Variants in ARHGAP24 observed in about 807,000 individuals in gnomAD.
The protein encoded by ARHGAP24 is Rho GTPase activating protein 24.
Under a neutral mutation model 76.4 loss-of-function variants are expected in ARHGAP24, and 50 were observed. The observed-to-expected ratio is 0.65, with a 90% CI of 0.52 to 0.83. The LOEUF (loss-of-function observed/expected upper bound fraction) is 0.83, where lower values mean the gene tolerates loss of function less well. Ranked by LOEUF, ARHGAP24 falls within the 40% of genes least tolerant of loss-of-function variation. The pLI is 0.00. For synonymous variants in ARHGAP24, 345 were observed against 323.3 expected, an observed-to-expected ratio of 1.07 and a Z score of -0.72; for missense variants, 930 against 914.2, an observed-to-expected ratio of 1.02 and a Z score of -0.22.
At chr4:85,516,281 C>T (rs571783958) in intron 1 of ARHGAP24, among the ~76,000 whole-genome samples, 25 of 152,320 alleles carry the variant, frequency 1.6e-4, no homozygotes, top group African/African-American at 5.5e-4. Flanking sequence ...ACCTGCATCC[C>T]TGAACTAGAA....
chr4:85,997,885 G>A (rs1484602752), intron 9 of ARHGAP24, among the ~76,000 whole-genome samples: 1 of 151,958 alleles, frequency 6.6e-6, no homozygotes, highest in Non-Finnish European at 1.5e-5. Context: ...TTGAGCTCTT[G>A]ACCTCAAATG....
At chr4:85,930,043 T>C (rs766510095) in intron 4 of ARHGAP24, among the ~76,000 whole-genome samples, 23 of 152,180 alleles carry the variant, frequency 1.5e-4, no homozygotes, top group Admixed American at 6.5e-4. Context: ...CCTCATCCTG[T>C]TGTGACTGCA....
intron 3 of ARHGAP24, among the ~76,000 whole-genome samples, chr4:85,740,032 C>T (rs1725755135): frequency 6.6e-6 from 1 of 152,156 alleles, no homozygotes; most frequent in African/African-American, 2.4e-5. Flanking sequence ...ACAGATTTTT[C>T]AGATCGATGG....
At chr4:85,606,142 CA>C (rs1453386109) in intron 2 of ARHGAP24, among the ~76,000 whole-genome samples, 1 of 152,116 alleles carries the variant, frequency 6.6e-6, no homozygotes, top group Non-Finnish European at 1.5e-5. Context: ...TACTATGTGC[CA>C]AACACCTTAT....
intron 5 of ARHGAP24, among the ~76,000 whole-genome samples, chr4:85,961,578 C>CT (rs1738253501): frequency 6.6e-6 from 1 of 151,980 alleles, no homozygotes. Flanking sequence ...ATTCTCTAAA[C>CT]TTGTGGTGAA....
rs1578331348 is a variant in ARHGAP24, at chr4:85,875,568, A to T, written c.269-48080A>T. Among the ~76,000 whole-genome samples, 2 of 30,364 alleles carry T rather than the reference A, an allele frequency of 6.6e-5. 1 individual carries two copies. Among genetic ancestry groups the T allele is most frequent in the East Asian group, 0.033 (2 of 60 alleles). 19.9% of individuals were successfully genotyped at this position (30,364 alleles called of 152,430 possible). A position where few individuals can be genotyped will look rare whatever the true frequency, so the allele number is the denominator to read the frequency against. On this transcript the variant is annotated intron_variant, in intron 3 of 9. Coordinates refer to ENST00000395184, the MANE Select transcript of ARHGAP24 (RefSeq NM_001025616.3). ...ATATTTTATATTATATTTTTATATT[A>T]TATAATATATAATATATATTTTATA...
At chr4:85,642,089 A>G (rs1251443514) in intron 2 of ARHGAP24, among the ~76,000 whole-genome samples, 1 of 152,102 alleles carries the variant, frequency 6.6e-6, no homozygotes, top group Non-Finnish European at 1.5e-5. Flanking sequence ...GAGTCTTGTG[A>G]CCTACAATCA....
rs535646106 is a variant in ARHGAP24 at position 85,879,449 on chromosome 4, A to T, written c.269-44199A>T. Reference sequence around the variant, plus strand: ...CAAATTAGATGAATTATGCTTTTTTATCTTGTGAATCTGAATCATGCAAAA... The same window carrying T: ...CAAATTAGATGAATTATGCTTTTTTTTCTTGTGAATCTGAATCATGCAAAA... On this transcript the variant is annotated intron_variant, in intron 3 of 9. Coordinates refer to ENST00000395184, the MANE Select transcript of ARHGAP24 (RefSeq NM_001025616.3). Among the ~76,000 whole-genome samples the T allele has an allele frequency of 2.0e-5, 3 of 152,256 alleles. 1 individual carries two copies. The South Asian group carries it at 6.2e-4, about 32-fold the overall frequency.
rs1176128263 is a variant in ARHGAP24 at position 85,995,368 on chromosome 4, C to T, written c.1714C>T (p.Arg572Cys). ...ISLPENSNSC[R>C]SSTTTCPEQD... ...CCTCCCTGAGAACTCCAACTCCTGTCGCTCTTCTACCACCACCTGCCCAGA... is the reference window on the plus strand; with the variant it reads ...CCTCCCTGAGAACTCCAACTCCTGTTGCTCTTCTACCACCACCTGCCCAGA... Residue 572 changes from arginine (R) to cysteine (C), a missense_variant, in exon 9 of 10, where the codon CGC becomes TGC. Physicochemically the swap from Arg to Cys is radical, Grantham distance 180 (BLOSUM62 -3). Coordinates refer to ENST00000395184, the MANE Select transcript of ARHGAP24 (RefSeq NM_001025616.3). 1.9e-6 allele frequency: 3 copies of T among 1,613,924 alleles called. No individual in the cohort carries two copies. Among genetic ancestry groups the T allele is most frequent in the African/African-American group, 1.3e-5 (1 of 74,894 alleles).
At chr4:85,936,512 C>T (rs1282899506) in intron 4 of ARHGAP24, among the ~76,000 whole-genome samples, 3 of 151,986 alleles carry the variant, frequency 2.0e-5, no homozygotes, top group Admixed American at 6.5e-5. Flanking sequence ...CTAAACCTCT[C>T]CGAAGCTCAT....
intron 2 of ARHGAP24, among the ~76,000 whole-genome samples, chr4:85,661,641 A>G (rs1186583835): frequency 1.3e-5 from 2 of 152,102 alleles, no homozygotes; most frequent in East Asian, 1.9e-4. Context: ...AGCATTAGGT[A>G]TATCTCCTAA....
At chr4:85,843,527 C>A (rs775216804) in intron 3 of ARHGAP24, among the ~76,000 whole-genome samples, 2 of 151,644 alleles carry the variant, frequency 1.3e-5, no homozygotes, top group African/African-American at 2.4e-5. Context: ...TAATGTATCA[C>A]AAATATGAAT....
chr4:85,772,935 C>T (rs1462185902), intron 3 of ARHGAP24, among the ~76,000 whole-genome samples: 4 of 152,104 alleles, frequency 2.6e-5, no homozygotes, highest in South Asian at 2.1e-4. Context: ...AAAGTATATG[C>T]GCCTCATAGA....
At chr4:85,708,655 G>T (rs564673235) in intron 2 of ARHGAP24, among the ~76,000 whole-genome samples, 1 of 152,266 alleles carries the variant, frequency 6.6e-6, no homozygotes, top group East Asian at 1.9e-4. Context: ...AATTCAGTTG[G>T]AAAGGAGGCT....
At chr4:85,494,337 T>C (rs910562862) in intron 1 of ARHGAP24, among the ~76,000 whole-genome samples, 1 of 152,182 alleles carries the variant, frequency 6.6e-6, no homozygotes, top group Non-Finnish European at 1.5e-5. Flanking sequence ...GTGTTCTCAT[T>C]GTTCAACACC....
intron 3 of ARHGAP24, among the ~76,000 whole-genome samples, chr4:85,836,709 G>A (rs145244034): frequency 5.9e-5 from 9 of 152,262 alleles, no homozygotes; most frequent in African/African-American, 1.2e-4. Flanking sequence ...AGAAATAATA[G>A]TAATGGGAGA....
At chr4:85,743,730 C>G (rs762581005) in intron 3 of ARHGAP24, among the ~76,000 whole-genome samples, 1 of 151,638 alleles carries the variant, frequency 6.6e-6, no homozygotes, top group Non-Finnish European at 1.5e-5. Flanking sequence ...CAAGTTAGCA[C>G]AAGAGTGCAA....
At chr4:85,931,661 C>T (rs1002238382) in intron 4 of ARHGAP24, among the ~76,000 whole-genome samples, 1 of 152,080 alleles carries the variant, frequency 6.6e-6, no homozygotes, top group African/African-American at 2.4e-5. Flanking sequence ...GAACATAGAA[C>T]AACTTATGAT....
chr4:85,729,242 A>G (rs948843825), intron 3 of ARHGAP24, among the ~76,000 whole-genome samples: 1 of 152,134 alleles, frequency 6.6e-6, no homozygotes, highest in African/African-American at 2.4e-5. Flanking sequence ...ACGGTATGAA[A>G]ACATAATTCT....
Sources: allele counts gnomAD v4.1 joint callset (sites outside exome capture counted in the v4.1 genomes callset), GRCh38; gene constraint gnomAD v4.1.1; transcripts MANE v1.5; gene names NCBI Gene and HGNC (gene_info 2026-07-23, HGNC 2026-07-21).